Variants in CACNA2D2 observed in about 807,000 individuals in gnomAD.
CACNA2D2 encodes the protein voltage-dependent calcium channel subunit alpha-2/delta-2.
A neutral mutation model predicts 166.4 loss-of-function variants in CACNA2D2; 48 were observed. The observed-to-expected ratio is 0.29, with a 90% CI of 0.23 to 0.37. CACNA2D2 has a LOEUF of 0.37. CACNA2D2 is among the 10% of genes least tolerant of loss of function. CACNA2D2 has a pLI of 1.00. For missense variants in CACNA2D2, 1,122 were observed against 1,433.0 expected, an observed-to-expected ratio of 0.78 and a Z score of 3.50; for synonymous variants, 561 against 573.7, an observed-to-expected ratio of 0.98 and a Z score of 0.32.
chr3:50,473,495 G>A (rs1356925703), intron 2 of CACNA2D2, among the ~76,000 whole-genome samples: 1 of 152,210 alleles, frequency 6.6e-6, no homozygotes, highest in Non-Finnish European at 1.5e-5. Flanking sequence ...CTCAAGGAGG[G>A]CTGAGGAGGG....
intron 1 of CACNA2D2, among the ~76,000 whole-genome samples, chr3:50,489,498 T>C (rs1698431660): frequency 6.6e-6 from 1 of 152,110 alleles, no homozygotes; most frequent in Non-Finnish European, 1.5e-5. Context: ...GGCAGGGCCA[T>C]AGTCATGAGG....
chr3:50,396,735 C>G (rs914498513), intron 3 of CACNA2D2, among the ~76,000 whole-genome samples: 19 of 152,144 alleles, frequency 1.2e-4, no homozygotes, highest in African/African-American at 4.6e-4. Flanking sequence ...GTGTGTGAGT[C>G]AAGCCTTTGT....
intron 5 of CACNA2D2, among the ~76,000 whole-genome samples, chr3:50,387,152 G>T (rs1375946495): frequency 6.6e-6 from 1 of 152,136 alleles, no homozygotes; most frequent in African/African-American, 2.4e-5. Context: ...AGGCTGTGGG[G>T]TGCTCAGCAC....
At position 50,366,450 on chromosome 3, in the gene CACNA2D2, AG is replaced by A; in HGVS notation, c.2638-113del. The A allele has an allele frequency of 3.4e-6, 5 of 1,460,998 alleles. No homozygotes were observed. The highest frequency in any genetic ancestry group is 4.8e-6 in the Non-Finnish European group (5 of 1,041,552). The allele number at this position is 1,460,998 out of a possible 1,614,324, so 90.5% of individuals were successfully genotyped here. A position where few individuals can be genotyped will look rare whatever the true frequency, so the allele number is the denominator to read the frequency against. Reference sequence around the variant, plus strand: ...GGGCATCACTCCCCCAGTCCTGGGAAGGCTGTGAAGTCAGGGTGGGGATGTT... The same window carrying A: ...GGGCATCACTCCCCCAGTCCTGGGAAGCTGTGAAGTCAGGGTGGGGATGTT... On this transcript the variant is annotated intron_variant, in intron 30 of 37. Transcript: ENST00000424201. The surrounding 1 kb of genome is among the most constrained non-coding windows in gnomAD (Gnocchi z 5.9).
At chr3:50,488,464 C>A (rs563345284) in intron 1 of CACNA2D2, among the ~76,000 whole-genome samples, 1 of 152,258 alleles carries the variant, frequency 6.6e-6, no homozygotes, top group East Asian at 1.9e-4. Flanking sequence ...GGCATCCTGA[C>A]ACTGCCCTGT....
At chr3:50,501,018 G>A (rs1698941227) in intron 1 of CACNA2D2, among the ~76,000 whole-genome samples, 1 of 152,168 alleles carries the variant, frequency 6.6e-6, no homozygotes, top group African/African-American at 2.4e-5. Flanking sequence ...CCACTGAGGG[G>A]TTGTCACTCC....
intron 1 of CACNA2D2, among the ~76,000 whole-genome samples, chr3:50,480,397 G>A (rs571531112): frequency 6.6e-6 from 1 of 152,174 alleles, no homozygotes; most frequent in Admixed American, 6.5e-5. Flanking sequence ...AGCAGCTCAT[G>A]CAATACAGCC....
chr3:50,502,649 G>T lies in CACNA2D2; in HGVS notation c.206+569C>A, dbSNP rs928443010. 8.5e-5 allele frequency among the ~76,000 whole-genome samples: 13 copies of T among 152,354 alleles called. No homozygotes were observed. In the East Asian group the frequency reaches 2.5e-3, roughly 29 times the overall value. ...CAGGGTACTCTCTCCTCAGGTGGAG[G>T]GGGGCCAAGAACAGGGGACACTGCC... is the stretch of plus-strand genomic sequence containing the variant. On this transcript the variant is annotated intron_variant, in intron 1 of 37. Transcript: ENST00000424201.
chr3:50,440,321 A>G (rs1228029078), intron 2 of CACNA2D2, among the ~76,000 whole-genome samples: 3 of 152,220 alleles, frequency 2.0e-5, no homozygotes, highest in Non-Finnish European at 4.4e-5. Context: ...GTGCCCAGGC[A>G]GGGGGGCTGC....
intron 3 of CACNA2D2, among the ~76,000 whole-genome samples, chr3:50,415,033 A>G (rs576028682): frequency 6.6e-6 from 1 of 152,332 alleles, no homozygotes; most frequent in Non-Finnish European, 1.5e-5. Flanking sequence ...CTCAGCAGAA[A>G]GGCCTCCCGG....
chr3:50,421,404 T>C (rs989033968), intron 3 of CACNA2D2, among the ~76,000 whole-genome samples: 1 of 151,878 alleles, frequency 6.6e-6, no homozygotes, highest in African/African-American at 2.4e-5. Context: ...ACTGGTGCAG[T>C]TGCCCCCCTC....
intron 3 of CACNA2D2, among the ~76,000 whole-genome samples, chr3:50,409,504 G>A (rs921715885): frequency 3.3e-5 from 5 of 152,352 alleles, no homozygotes; most frequent in South Asian, 2.1e-4. Flanking sequence ...CACCAGCACC[G>A]CCTGTGCTGC....
At chr3:50,454,705 T>G (rs575731997) in intron 2 of CACNA2D2, among the ~76,000 whole-genome samples, 9 of 149,186 alleles carry the variant, frequency 6.0e-5, no homozygotes, top group Non-Finnish European at 1.2e-4. Flanking sequence ...TAAAAAAAAA[T>G]TTTTTTTTTG....
At chr3:50,479,819 A>G (rs1697968316) in intron 1 of CACNA2D2, among the ~76,000 whole-genome samples, 1 of 152,196 alleles carries the variant, frequency 6.6e-6, no homozygotes, top group Non-Finnish European at 1.5e-5. Flanking sequence ...CCCTGACCAG[A>G]CAATGTTGCC....
intron 1 of CACNA2D2, among the ~76,000 whole-genome samples, chr3:50,496,919 A>G (rs7613931): frequency 0.11 from 17,370 of 152,242 alleles, 1,131 homozygotes; most frequent in Non-Finnish European, 0.14. Flanking sequence ...AGACAGGCAG[A>G]AGGAGTGACT....
At chr3:50,473,091 G>C (rs1018256212) in intron 2 of CACNA2D2, among the ~76,000 whole-genome samples, 2 of 152,172 alleles carry the variant, frequency 1.3e-5, no homozygotes, top group African/African-American at 4.8e-5. Context: ...GGGACAATAC[G>C]TAAGCACCAG....
At position 50,375,628 on chromosome 3, in the gene CACNA2D2, C is replaced by G. The variant is rs760301513; in HGVS notation, c.1907+16G>C. The G allele has an allele frequency of 3.5e-5, 56 of 1,612,414 alleles. No homozygotes were observed. The highest frequency in any genetic ancestry group is 1.7e-4 in the Middle Eastern group (1 of 5,740). ...CACCCCACCCTCTCTGCCCGCCCAG[C>G]CCTGGCCTCACTTACCTGTAGTTAG... On this transcript the variant is annotated intron_variant, in intron 21 of 37. Coordinates refer to ENST00000424201, the MANE Select transcript of CACNA2D2 (RefSeq NM_006030.4). The surrounding 1 kb of genome is among the most constrained non-coding windows in gnomAD (Gnocchi z 4.0).
intron 4 of CACNA2D2, among the ~76,000 whole-genome samples, chr3:50,390,266 C>A (rs1705820502): frequency 1.3e-5 from 2 of 152,170 alleles, no homozygotes; most frequent in African/African-American, 4.8e-5. Flanking sequence ...TCCCAGTGGC[C>A]TGCTGAGGAA....
At chr3:50,470,898 GC>G (rs1161652791) in intron 2 of CACNA2D2, among the ~76,000 whole-genome samples, 1 of 152,060 alleles carries the variant, frequency 6.6e-6, no homozygotes, top group East Asian at 1.9e-4. Flanking sequence ...CCTCCCGGGA[GC>G]CCCCCCTTTA....
Sources: gnomAD v4.1 joint callset for allele counts (sites outside exome capture counted in the v4.1 genomes callset) on GRCh38, gnomAD v4.1.1 for gene constraint, Gnocchi (gnomAD v3.1) non-coding constraint, MANE v1.5 for transcripts, NCBI Gene and HGNC (gene_info 2026-07-23, HGNC 2026-07-21) for gene names.